Variants in STC1 observed in about 807,000 individuals in gnomAD.
The protein encoded by STC1 is stanniocalcin 1, also known as stanniocalcin-1.
A neutral mutation model predicts 22.6 loss-of-function variants in STC1; 7 were observed. The observed-to-expected ratio is 0.31, with a 90% CI of 0.18 to 0.58. The LOEUF (loss-of-function observed/expected upper bound fraction) is 0.58. STC1 is among the 20% of genes least tolerant of loss of function. The pLI, the probability that STC1 is intolerant of heterozygous loss-of-function variation, is 0.89. For missense variants in STC1, 224 were observed against 311.0 expected (o/e 0.72, Z 2.10); for synonymous variants, 113 against 120.7 (o/e 0.94, Z 0.42).
At chr8:23,848,802 G>A (rs1248554347) in intron 3 of STC1, among the ~76,000 whole-genome samples, 1 of 151,900 alleles carries the variant, frequency 6.6e-6, no homozygotes, top group African/African-American at 2.4e-5. Context: ...GGAACGTTCT[G>A]TGTGAGGGTT....
rs533875067 is a variant in STC1 at position 23,849,896 on chromosome 8, T to C, written c.473+1424A>G. Among the ~76,000 whole-genome samples, 51 of 152,150 alleles carry C rather than the reference T, an allele frequency of 3.4e-4. No homozygotes were observed. In the Middle Eastern group the frequency reaches 0.01, roughly 30 times the overall value. ...TTAATCAGATCTCCCCTCCCCACCC[T>C]CTGCACCTGTTTCCTCTGTGCAATA... On this transcript the variant is annotated intron_variant, in intron 3 of 3. Transcript: ENST00000290271.
chr8:23,854,680 A>G lies in STC1; in HGVS notation c.-157T>C. 3 of 765,620 alleles carry G rather than the reference A, an allele frequency of 3.9e-6. No homozygotes were observed. Among genetic ancestry groups the G allele is most frequent in the Non-Finnish European group, 7.0e-6 (3 of 429,734 alleles). 47.4% of individuals were successfully genotyped at this position (765,620 alleles called of 1,614,324 possible). On this transcript the variant is annotated 5_prime_UTR_variant, in exon 1 of 4. Coordinates refer to ENST00000290271, the MANE Select transcript of STC1 (RefSeq NM_003155.3). ...TTTTTTTTTGTTGTTGTTGCTGGTG[A>G]TGCTGCTGCTGCCACCGGTGCCTCC...
In STC1 at chr8:23,842,918, T is replaced by C. The variant is rs1252007335; in HGVS notation, c.*1852A>G. 1 of 153,266 alleles carries C rather than the reference T, an allele frequency of 6.5e-6. No individual in the cohort carries two copies. The highest frequency in any genetic ancestry group is 1.5e-5 in the Non-Finnish European group (1 of 68,358). 9.5% of individuals were successfully genotyped at this position (153,266 alleles called of 1,614,324 possible). A position where few individuals can be genotyped will look rare whatever the true frequency, so the allele number is the denominator to read the frequency against. ...TTGCTCTTGGTCCTTGAGCAGCACG[T>C]TACTGGTTTTAAAGGCTTTATGGTA... On this transcript the variant is annotated 3_prime_UTR_variant, in exon 4 of 4. Transcript: ENST00000290271.
chr8:23,850,912 C>CTT (rs56311630), intron 3 of STC1, among the ~76,000 whole-genome samples: 3,150 of 89,292 alleles, frequency 0.035, 126 homozygotes, highest in Admixed American at 0.076. Context: ...AACCAGAGGG[C>CTT]TTTTTTTTTT....
intron 3 of STC1, among the ~76,000 whole-genome samples, chr8:23,850,472 C>CCAA (rs949079944): frequency 1.3e-5 from 2 of 152,208 alleles, no homozygotes; most frequent in Non-Finnish European, 2.9e-5. Flanking sequence ...GACCTCCACG[C>CCAA]CAACCCCATT....
At chr8:23,854,185 A>G in intron 1 of STC1, 2 of 1,222,738 alleles carry the variant, frequency 1.6e-6, no homozygotes, top group East Asian at 2.7e-5. Context: ...GCAATGAAAT[A>G]CCCTCAGCAG....
At position 23,854,729 on chromosome 8, in the gene STC1, T is replaced by C. The variant is rs529363136; in HGVS notation, c.-206A>G. 1.6e-3 allele frequency: 902 copies of C among 571,870 alleles called. 2 individuals carry two copies. The highest frequency in any genetic ancestry group is 5.7e-3 in the African/African-American group (303 of 52,804). The allele number at this position is 571,870 out of a possible 1,614,324, so 35.4% of individuals were successfully genotyped here. A position where few individuals can be genotyped will look rare whatever the true frequency, so the allele number is the denominator to read the frequency against. ...CCGCTGCTGCTGCTGCTGCCGCCGC[T>C]GCTGCTGCTGCTGCCACCGCCGCTG... On this transcript the variant is annotated 5_prime_UTR_variant, in exon 1 of 4. Transcript: ENST00000290271.
At chr8:23,846,790 C>T (rs561410443) in intron 3 of STC1, among the ~76,000 whole-genome samples, 33 of 152,290 alleles carry the variant, frequency 2.2e-4, no homozygotes, top group African/African-American at 7.5e-4. Context: ...TTGTCCAACT[C>T]TTTGGAATTA....
At chr8:23,845,188 C>G (rs535360577) in intron 3 of STC1, 148 bp from the exon 4 acceptor site, 2 of 807,886 alleles carry the variant, frequency 2.5e-6, no homozygotes, top group Admixed American at 2.7e-5. Context: ...GGCTTTTGCT[C>G]TCTAACCCTT....
intron 2 of STC1, 58 bp downstream of exon 2, chr8:23,852,184 G>C: frequency 6.2e-7 from 1 of 1,609,460 alleles, no homozygotes; most frequent in Non-Finnish European, 8.5e-7. Flanking sequence ...AAGAACCATG[G>C]TCTAACACAC....
chr8:23,847,515 T>G (rs1462619907), intron 3 of STC1, among the ~76,000 whole-genome samples: 1 of 152,208 alleles, frequency 6.6e-6, no homozygotes, highest in African/African-American at 2.4e-5. Context: ...CTTTAGAATA[T>G]AAAACAAAGT....
At position 23,851,403 on chromosome 8, in the gene STC1, G is replaced by A. The variant is rs772158316; in HGVS notation, c.390C>T (p.Ser130=). ...MIAEVQEECY[S]KLNVCSIAKR... is the part of the protein sequence containing the mutation. ...TGGCGATGCTGCACACATTCAGCTTGCTGTAGCACTCTTCCTGCACCTCAG... is the reference window on the plus strand; with the variant it reads ...TGGCGATGCTGCACACATTCAGCTTACTGTAGCACTCTTCCTGCACCTCAG... The change falls in exon 3 of 4, where the codon AGC becomes AGT. Residue 130 remains serine, a synonymous_variant. Coordinates refer to ENST00000290271, the MANE Select transcript of STC1 (RefSeq NM_003155.3). 3.1e-6 allele frequency: 5 copies of A among 1,614,186 alleles called. No homozygotes were observed. The highest frequency in any genetic ancestry group is 4.2e-6 in the Non-Finnish European group (5 of 1,180,038).
rs1373808026 is a variant in STC1, at chr8:23,845,044, C to A, written c.474-4G>T. 1 of 1,613,608 alleles carries A rather than the reference C, an allele frequency of 6.2e-7. No individual in the cohort carries two copies. The highest frequency in any genetic ancestry group is 1.7e-4 in the Middle Eastern group (1 of 6,042). Reference sequence around the variant, plus strand: ...TCGGACAAGTCTGTTATAGTATCTGCATCAAGAAAGAGAGTGCATATGGTG... The same window carrying A: ...TCGGACAAGTCTGTTATAGTATCTGAATCAAGAAAGAGAGTGCATATGGTG... On this transcript the variant is annotated splice_polypyrimidine_tract_variant and splice_region_variant and intron_variant, in intron 3 of 3. Transcript: ENST00000290271.
chr8:23,847,741 T>C (rs1211252477), intron 3 of STC1, among the ~76,000 whole-genome samples: 1 of 152,156 alleles, frequency 6.6e-6, no homozygotes, highest in Non-Finnish European at 1.5e-5. Context: ...CCAGCAAGAG[T>C]TGACTTAGCA....
intron 3 of STC1, 49 bp from the exon 4 acceptor site, chr8:23,845,089 G>A (rs777663914): frequency 6.3e-7 from 1 of 1,592,136 alleles, no homozygotes; most frequent in South Asian, 1.1e-5. Flanking sequence ...TGAGAGCCCG[G>A]CGAGACCCAG....
chr8:23,850,134 T>A (rs1802620816), intron 3 of STC1, among the ~76,000 whole-genome samples: 1 of 152,250 alleles, frequency 6.6e-6, no homozygotes, highest in Non-Finnish European at 1.5e-5. Context: ...ACACAGCGTT[T>A]GTGTTAGGCA....
Position 23,851,334 on chromosome 8 carries a change from A to G in STC1, c.459T>C (p.Asn153=), listed in dbSNP as rs1049985011. The G allele has an allele frequency of 1.2e-6, 2 of 1,613,944 alleles. No individual in the cohort carries two copies. The highest frequency in any genetic ancestry group is 1.7e-6 in the Non-Finnish European group (2 of 1,180,028). Residue 153 remains asparagine (N), a synonymous_variant, in exon 3 of 4, where the codon AAT becomes AAC. Transcript: ENST00000290271. ...TCAGTTTGTACCTGTTGGAGAAGTGATTGGGCAGCTGGACGACCTCAGTGA... is the reference window on the plus strand; with the variant it reads ...TCAGTTTGTACCTGTTGGAGAAGTGGTTGGGCAGCTGGACGACCTCAGTGA... The part of the protein sequence containing the change: ...EAITEVVQLP[N]HFSNRYYNRL...
At chr8:23,848,869 A>G (rs146457977) in intron 3 of STC1, among the ~76,000 whole-genome samples, 177 of 152,078 alleles carry the variant, frequency 1.2e-3, no homozygotes, top group African/African-American at 4.0e-3. Context: ...CCTGTTCCCT[A>G]TCCATGCCCT....
At position 23,852,377 on chromosome 8, in the gene STC1, C is replaced by T. The variant is rs749681865; in HGVS notation, c.126G>A (p.Val42=). ...GTAGAGCACTGTTGAGGCAACGAAC[C>T]ACTTCAGCTGAAAGAGACAAATCCA... The part of the protein sequence containing the change: ...SRVAAQNSAE[V]VRCLNSALQV... The change falls in exon 2 of 4, where the codon GTG becomes GTA. Residue 42 remains valine, a synonymous_variant. Coordinates refer to ENST00000290271, the MANE Select transcript of STC1 (RefSeq NM_003155.3). The T allele has an allele frequency of 6.3e-7, 1 of 1,597,674 alleles. No homozygotes were observed. Among genetic ancestry groups the T allele is most frequent in the East Asian group, 2.2e-5 (1 of 44,818 alleles).
Sources: allele counts gnomAD v4.1 joint callset (sites outside exome capture counted in the v4.1 genomes callset), GRCh38; gene constraint gnomAD v4.1.1; transcripts MANE v1.5; gene names NCBI Gene and HGNC (gene_info 2026-07-23, HGNC 2026-07-21).